Variants in MYO16 observed in about 807,000 individuals in gnomAD.
The protein encoded by MYO16 is myosin XVI.
In MYO16, 94 loss-of-function variants were observed where a neutral mutation model predicts 205.3. That is an observed-to-expected ratio of 0.46 (90% CI 0.39 to 0.54). The LOEUF (loss-of-function observed/expected upper bound fraction) is 0.54, where lower values mean the gene tolerates loss of function less well. Among genes scored for constraint, MYO16 ranks in the 20% least tolerant of loss-of-function variants. MYO16 has a pLI of 0.00. For missense variants in MYO16, 2,315 were observed against 2,387.5 expected, an observed-to-expected ratio of 0.97 and a Z score of 0.63; for synonymous variants, 988 against 954.0, an observed-to-expected ratio of 1.04 and a Z score of -0.66.
intron 16 of MYO16, among the ~76,000 whole-genome samples, chr13:108,933,200 A>G (rs1286461660): frequency 6.6e-6 from 1 of 152,146 alleles, no homozygotes; most frequent in East Asian, 1.9e-4. Context: ...GTGCATTGCT[A>G]TTGGAGGACA....
At chr13:108,702,319 T>C (rs1385691406) in intron 2 of MYO16, among the ~76,000 whole-genome samples, 2 of 152,182 alleles carry the variant, frequency 1.3e-5, no homozygotes, top group African/African-American at 4.8e-5. Flanking sequence ...TTATGCTTCA[T>C]GTACAAGGGT....
intron 4 of MYO16, among the ~76,000 whole-genome samples, chr13:108,762,279 A>G (rs1010759524): frequency 1.9e-5 from 2 of 104,116 alleles, no homozygotes; most frequent in African/African-American, 3.2e-5. Flanking sequence ...TGTCTTTGCT[A>G]TTGTGAATGG....
At chr13:108,909,139 A>C (rs758039134) in intron 15 of MYO16, among the ~76,000 whole-genome samples, 6 of 152,178 alleles carry the variant, frequency 3.9e-5, no homozygotes, top group Non-Finnish European at 8.8e-5. Context: ...ATTTTGACCA[A>C]CGCTAGCTTC....
intron 1 of MYO16, among the ~76,000 whole-genome samples, chr13:108,651,814 G>A (rs1219746882): frequency 6.6e-6 from 1 of 151,638 alleles, no homozygotes; most frequent in Non-Finnish European, 1.5e-5. Context: ...AATATTTTAG[G>A]GCATAGCGTC....
chr13:108,988,864 C>G (rs1288961536), intron 20 of MYO16, among the ~76,000 whole-genome samples: 1 of 152,138 alleles, frequency 6.6e-6, no homozygotes, highest in East Asian at 1.9e-4. Context: ...GTGCTCGGGA[C>G]CAGCACCCGG....
intron 5 of MYO16, among the ~76,000 whole-genome samples, chr13:108,790,209 G>A (rs1457581035): frequency 6.6e-6 from 1 of 152,194 alleles, no homozygotes; most frequent in East Asian, 1.9e-4. Context: ...AATATCATCA[G>A]AGAAAAGGAA....
intron 2 of MYO16, among the ~76,000 whole-genome samples, chr13:108,675,672 C>T (rs1311316375): frequency 6.6e-5 from 10 of 152,152 alleles, no homozygotes; most frequent in African/African-American, 2.4e-4. Context: ...AAACCGTGCT[C>T]TCTTCAACAT....
At chr13:108,767,597 T>G (rs1219707872) in intron 4 of MYO16, among the ~76,000 whole-genome samples, 1 of 152,114 alleles carries the variant, frequency 6.6e-6, no homozygotes, top group African/African-American at 2.4e-5. Context: ...CAAGCATTTC[T>G]TGCCTTTAAT....
At chr13:109,007,109 C>G (rs1885412166) in intron 21 of MYO16, among the ~76,000 whole-genome samples, 1 of 152,132 alleles carries the variant, frequency 6.6e-6, no homozygotes, top group Non-Finnish European at 1.5e-5. Flanking sequence ...ACACTGCTAG[C>G]CAGGGGCGGT....
At chr13:109,004,103 C>A (rs1257087010) in intron 21 of MYO16, among the ~76,000 whole-genome samples, 1 of 152,166 alleles carries the variant, frequency 6.6e-6, no homozygotes, top group African/African-American at 2.4e-5. Context: ...ATGGATTCAA[C>A]ATTGTTTCTC....
At chr13:108,801,463 C>T (rs146943099) in intron 6 of MYO16, among the ~76,000 whole-genome samples, 48 of 152,228 alleles carry the variant, frequency 3.2e-4, no homozygotes, top group Non-Finnish European at 5.6e-4. Flanking sequence ...GAAATCACTA[C>T]GGACATATAT....
chr13:108,846,829 A>G (rs530224720), intron 10 of MYO16, among the ~76,000 whole-genome samples: 149 of 152,240 alleles, frequency 9.8e-4, no homozygotes, highest in African/African-American at 3.4e-3. Context: ...ATCTCAGGCT[A>G]ATTGATTTCC....
At chr13:108,532,770 G>A in the MYO16 span, among the ~76,000 whole-genome samples, 1 of 152,022 alleles carries the variant, frequency 6.6e-6, no homozygotes. Flanking sequence ...CAGACTGGAT[G>A]ATAGAGCAAG....
At chr13:109,014,138 T>A (rs1885718428) in intron 22 of MYO16, among the ~76,000 whole-genome samples, 1 of 152,234 alleles carries the variant, frequency 6.6e-6, no homozygotes. Flanking sequence ...TGAATTAAAT[T>A]TTGTATAAGG....
At chr13:109,078,484 A>G (rs1026275303) in intron 27 of MYO16, among the ~76,000 whole-genome samples, 21 of 152,138 alleles carry the variant, frequency 1.4e-4, no homozygotes, top group African/African-American at 4.8e-4. Context: ...TTCTTCTAGT[A>G]TCTATTAGTA....
chr13:109,100,133 A>G (rs1252466967), intron 27 of MYO16, among the ~76,000 whole-genome samples: 3 of 152,188 alleles, frequency 2.0e-5, no homozygotes, highest in East Asian at 1.9e-4. Flanking sequence ...GGAATTTTAC[A>G]TAGATTTTTT....
intron 23 of MYO16, among the ~76,000 whole-genome samples, chr13:109,034,578 GT>G (rs1886652753): frequency 6.6e-6 from 1 of 152,168 alleles, no homozygotes; most frequent in Admixed American, 6.5e-5. Context: ...AAATTACTCA[GT>G]CTCAGATAGT....
At chr13:108,697,329 G>C (rs1883130433) in intron 2 of MYO16, among the ~76,000 whole-genome samples, 1 of 152,158 alleles carries the variant, frequency 6.6e-6, no homozygotes, top group Non-Finnish European at 1.5e-5. Flanking sequence ...CCCCTCGACA[G>C]TGCTTCTGTT....
chr13:108,686,458 A>G (rs1231656845), intron 2 of MYO16, among the ~76,000 whole-genome samples: 1 of 152,234 alleles, frequency 6.6e-6, no homozygotes. Flanking sequence ...AGGTAGGAAT[A>G]TAAGGGCAGG....
Sources: gnomAD v4.1 joint callset for allele counts (sites outside exome capture counted in the v4.1 genomes callset) on GRCh38, gnomAD v4.1.1 for gene constraint, MANE v1.5 for transcripts, NCBI Gene and HGNC (gene_info 2026-07-23, HGNC 2026-07-21) for gene names.